The following MGAM variants were observed in gnomAD, a reference collection of about 807,000 sequenced individuals.
MGAM encodes alpha-1,4-glucosidase.
MGAM carries 253 observed loss-of-function variants against 358.8 expected under a neutral mutation model. The ratio of observed to expected loss-of-function variants is 0.71; its 90% CI spans 0.64 to 0.78. MGAM has a LOEUF of 0.78. MGAM is among the 30% of genes least tolerant of loss of function. The probability of loss-of-function intolerance (pLI) is 0.00; values close to 1 mark genes in which losing one functional copy is unlikely to be tolerated. For missense variants in MGAM, 3,080 were observed against 3,432.6 expected (o/e 0.90, Z 2.57); for synonymous variants, 1,105 against 1,227.1 (o/e 0.90, Z 2.08).
intron 49 of MGAM, 33 bp downstream of exon 49, chr7:142,079,041 G>C: frequency 4.0e-6 from 6 of 1,492,524 alleles, no homozygotes; most frequent in Non-Finnish European, 5.6e-6. Context: ...GCAGTGATAA[G>C]ACCCTTTTCA....
rs1390198580 is a variant in MGAM at position 142,106,557 on chromosome 7, G to C, written c.*666G>C. 1.3e-5 allele frequency: 2 copies of C among 152,192 alleles called. No individual in the cohort carries two copies. Among genetic ancestry groups the C allele is most frequent in the Non-Finnish European group, 2.9e-5 (2 of 68,040 alleles). The allele number at this position is 152,192 out of a possible 1,614,324, so 9.4% of individuals were successfully genotyped here. A position where few individuals can be genotyped will look rare whatever the true frequency, so the allele number is the denominator to read the frequency against. On this transcript the variant is annotated 3_prime_UTR_variant, in exon 71 of 71. Coordinates refer to ENST00000475668, the MANE Select transcript of MGAM (RefSeq NM_001365693.1). ...GGTCTTGAGAAATCCTTAGCATAAA[G>C]GGCTACTGGTGAGATTGAGATCTGA...
Position 142,100,703 on chromosome 7 carries a change from C to T in MGAM, c.7875-99C>T. On this transcript the variant is annotated intron_variant, in intron 67 of 70. Coordinates refer to ENST00000475668, the MANE Select transcript of MGAM (RefSeq NM_001365693.1). ...ATTCTAGTATGCAGTCTTTATCCCCCAAAGCACTTCCCTTTGCTGCTTTAT... is the reference window on the plus strand; with the variant it reads ...ATTCTAGTATGCAGTCTTTATCCCCTAAAGCACTTCCCTTTGCTGCTTTAT... 3.0e-6 allele frequency: 3 copies of T among 1,015,860 alleles called. No homozygotes were observed. In the Admixed American group the frequency reaches 6.0e-5, roughly 20 times the overall value. 62.9% of individuals were successfully genotyped at this position (1,015,860 alleles called of 1,614,324 possible). A position where few individuals can be genotyped will look rare whatever the true frequency, so the allele number is the denominator to read the frequency against.
chr7:142,064,605 A>C (rs1325605462), intron 37 of MGAM, 83 bp downstream of exon 37: 24 of 1,490,216 alleles, frequency 1.6e-5, no homozygotes, highest in Admixed American at 2.1e-5. Flanking sequence ...TTTTCCTTTC[A>C]TTCCATTTCT....
At chr7:142,046,044 A>ACATATAATATATAATATATATTATAT (rs1810337436) in intron 21 of MGAM, among the ~76,000 whole-genome samples, 1 of 20,492 alleles carries the variant, frequency 4.9e-5, no homozygotes, top group African/African-American at 3.0e-4. Context: ...TATATTATAT[A>ACATATAATATATAATATATATTATAT]TACATACAAT....
intron 16 of MGAM, among the ~76,000 whole-genome samples, chr7:142,035,115 C>T (rs1238069664): frequency 6.6e-6 from 1 of 151,994 alleles, no homozygotes; most frequent in Admixed American, 6.6e-5. Flanking sequence ...GTGTATGTAT[C>T]CTTAAGAACA....
rs774241019 is a variant in MGAM, at chr7:142,052,896, C to T, written c.3071C>T (p.Ser1024Phe). Residue 1024 changes from serine (S) to phenylalanine (F), a missense_variant, in exon 26 of 71, where the codon TCC becomes TTC. By Grantham distance (155) the Ser-to-Phe change is radical. This residue lies in a region of MGAM where 1,816 missense variants were observed against 1,840.5 expected (regional missense o/e 0.99). Transcript: ENST00000475668. ...ACAGCTGACATCTCCTTAAAGTCTT[C>T]CGTTTATGCCAATGCCTTCCCCTCC... ...GATADISLKS[S>F]VYANAFPSTP... 10 of 1,613,898 alleles carry T rather than the reference C, an allele frequency of 6.2e-6. No individual in the cohort carries two copies. In the East Asian group the frequency reaches 2.0e-4, roughly 32 times the overall value.
At chr7:142,043,755 GACATATAATATATACATTATATACACAT>G (rs1809458423) in intron 21 of MGAM, among the ~76,000 whole-genome samples, 6 of 79,640 alleles carry the variant, frequency 7.5e-5, no homozygotes, top group East Asian at 3.5e-4. Flanking sequence ...ATACACATAC[GACATATAATATATACATTATATACACAT>G]ACGACATATA....
chr7:142,051,265 T>G (rs1810922970), intron 24 of MGAM, among the ~76,000 whole-genome samples: 1 of 151,992 alleles, frequency 6.6e-6, no homozygotes, highest in Non-Finnish European at 1.5e-5. Context: ...TGGTCAGGTT[T>G]TGGAGGTCTT....
At position 142,059,456 on chromosome 7, in the gene MGAM, C is replaced by T. The variant is rs1239054341; in HGVS notation, c.3820-16C>T. The T allele has an allele frequency of 1.2e-6, 2 of 1,603,140 alleles. No individual in the cohort carries two copies. Among genetic ancestry groups the T allele is most frequent in the African/African-American group, 1.3e-5 (1 of 74,780 alleles). On this transcript the variant is annotated splice_polypyrimidine_tract_variant and intron_variant, in intron 31 of 70. Transcript: ENST00000475668. Reference sequence around the variant, plus strand: ...TGTACAGCAGCAGCCTCTCAGCTCCCCATGTCCTCCCGCAGGATGTGCAGT... The same window carrying T: ...TGTACAGCAGCAGCCTCTCAGCTCCTCATGTCCTCCCGCAGGATGTGCAGT...
rs1239224834 is a variant in MGAM, at chr7:142,052,773, T to A, written c.2959-11T>A. On this transcript the variant is annotated splice_polypyrimidine_tract_variant and intron_variant, in intron 25 of 70. Transcript: ENST00000475668. ...GCTGTGCTGATCTATGACTTTGGCCTTACTTTTCAGGCATCCAATTCTTCT... is the reference window on the plus strand; with the variant it reads ...GCTGTGCTGATCTATGACTTTGGCCATACTTTTCAGGCATCCAATTCTTCT... 2.5e-6 allele frequency: 4 copies of A among 1,613,684 alleles called. No homozygotes were observed. The Admixed American group carries it at 6.7e-5, about 27-fold the overall frequency.
chr7:142,041,324 C>G (rs1489714081), intron 21 of MGAM, among the ~76,000 whole-genome samples: 11 of 152,050 alleles, frequency 7.2e-5, no homozygotes. Context: ...GCCTACTTGT[C>G]TTTAATAGAC....
At chr7:142,045,118 T>A (rs1425527491) in intron 21 of MGAM, among the ~76,000 whole-genome samples, 1 of 93,884 alleles carries the variant, frequency 1.1e-5, no homozygotes, top group African/African-American at 3.8e-5. Flanking sequence ...ACGTGCAATA[T>A]ATGATATATA....
intron 18 of MGAM, among the ~76,000 whole-genome samples, chr7:142,037,416 G>A (rs1554466447): frequency 6.6e-6 from 1 of 152,116 alleles, no homozygotes; most frequent in Non-Finnish European, 1.5e-5. Context: ...TACAAATGAG[G>A]ATATTATAAA....
At chr7:142,029,296 G>A (rs1807249886) in intron 10 of MGAM, among the ~76,000 whole-genome samples, 1 of 152,018 alleles carries the variant, frequency 6.6e-6, no homozygotes, top group Admixed American at 6.6e-5. Flanking sequence ...GGAGGTGGAG[G>A]TTGCAGTGAG....
chr7:142,074,101 G>C lies in MGAM; in HGVS notation c.5203G>C (p.Gly1735Arg). Reference sequence around the variant, plus strand: ...TCCCCACAGTCGAAAGAACCCTCTTGGTCTTATTATTGCCCTAGATGAAAA... The same window carrying C: ...TCCCCACAGTCGAAAGAACCCTCTTCGTCTTATTATTGCCCTAGATGAAAA... Reference protein sequence around the residue: ...NTHLSRKNPLGLIIALDENKE... With the variant: ...NTHLSRKNPLRLIIALDENKE... Residue 1735 changes from glycine to arginine, a missense_variant, in exon 45 of 71, where the codon GGT (glycine) becomes CGT (arginine). Physicochemically the swap from Gly to Arg is moderately radical, Grantham distance 125. This residue lies in a region of MGAM where 932 missense variants were observed against 1,198.2 expected (regional missense o/e 0.78). Transcript: ENST00000475668. 1 of 1,542,352 alleles carries C rather than the reference G, an allele frequency of 6.5e-7. No individual in the cohort carries two copies. The highest frequency in any genetic ancestry group is 1.3e-5 in the African/African-American group (1 of 74,536).
In MGAM at chr7:142,091,611, A is replaced by G. The variant is rs1366920752; in HGVS notation, c.6811-302A>G. On this transcript the variant is annotated intron_variant, in intron 57 of 70. Coordinates refer to ENST00000475668, the MANE Select transcript of MGAM (RefSeq NM_001365693.1). ...GTGCATAGGAAATGGCAGGACTGACATTGAGGGTTGGGCATCGAATGCATG... is the reference window on the plus strand; with the variant it reads ...GTGCATAGGAAATGGCAGGACTGACGTTGAGGGTTGGGCATCGAATGCATG... Among the ~76,000 whole-genome samples, 17 of 146,202 alleles carry G rather than the reference A, an allele frequency of 1.2e-4. 1 individual carries two copies. The highest frequency in any genetic ancestry group is 2.4e-4 in the African/African-American group (10 of 41,114).
At chr7:141,998,753 A>G (rs1362240556) in intron 1 of MGAM, among the ~76,000 whole-genome samples, 6 of 152,128 alleles carry the variant, frequency 3.9e-5, no homozygotes, top group African/African-American at 1.4e-4. Flanking sequence ...ATGATTTATA[A>G]TCCTTCGGGT....
At chr7:142,062,765 T>C in intron 35 of MGAM, 63 bp downstream of exon 35, 1 of 1,597,288 alleles carries the variant, frequency 6.3e-7, no homozygotes, top group Non-Finnish European at 8.5e-7. Flanking sequence ...CCTAAGTATA[T>C]GTACCACTGA....
intron 18 of MGAM, among the ~76,000 whole-genome samples, chr7:142,037,392 G>A (rs1808089766): frequency 6.6e-6 from 1 of 152,156 alleles, no homozygotes; most frequent in South Asian, 2.1e-4. Flanking sequence ...GTAGGAATGA[G>A]CCTATAATAC....
Sources: allele counts gnomAD v4.1 joint callset (sites outside exome capture counted in the v4.1 genomes callset), GRCh38; gene constraint gnomAD v4.1.1; regional missense constraint gnomAD v4.1.1; transcripts MANE v1.5; gene names NCBI Gene and HGNC (gene_info 2026-07-23, HGNC 2026-07-21).